The following CAV3 variants were observed in gnomAD, a reference collection of about 807,000 sequenced individuals.
The protein encoded by CAV3 is caveolin 3.
In CAV3, 10 loss-of-function variants were observed where a neutral mutation model predicts 13.4. That is an observed-to-expected ratio of 0.75 (90% CI 0.46 to 1.27). CAV3 has a LOEUF of 1.27. Among genes scored for constraint, CAV3 ranks in the 50% most tolerant of loss-of-function variants. The pLI, the probability that CAV3 is intolerant of heterozygous loss-of-function variation, is 0.00. For synonymous variants in CAV3, 90 were observed against 79.0 expected, an observed-to-expected ratio of 1.14 and a Z score of -0.74; for missense variants, 162 against 194.0, an observed-to-expected ratio of 0.83 and a Z score of 0.98.
chr3:8,741,284 C>G (rs1707950329), intron 1 of CAV3, among the ~76,000 whole-genome samples: 1 of 152,206 alleles, frequency 6.6e-6, no homozygotes, highest in South Asian at 2.1e-4. Flanking sequence ...TTACAAGCAC[C>G]AATGTTTATT....
chr3:8,738,772 A>G (rs115598571), intron 1 of CAV3, among the ~76,000 whole-genome samples: 4,876 of 152,318 alleles, frequency 0.032, 111 homozygotes, highest in South Asian at 0.056. Context: ...TGTCATTACC[A>G]CTGCCCCTTC....
chr3:8,744,525 A>G (rs1216969554), intron 1 of CAV3, among the ~76,000 whole-genome samples: 2 of 136,318 alleles, frequency 1.5e-5, no homozygotes, highest in East Asian at 2.2e-4. Context: ...ACAGCCTCCC[A>G]TCCTTTCATC....
At chr3:8,736,835 C>A (rs564284379) in intron 1 of CAV3, among the ~76,000 whole-genome samples, 23 of 152,296 alleles carry the variant, frequency 1.5e-4, no homozygotes, top group Non-Finnish European at 2.9e-5. Flanking sequence ...ACATTCTCTG[C>A]TTTAGGGATT....
chr3:8,739,494 C>T (rs2124981974), intron 1 of CAV3, among the ~76,000 whole-genome samples: 1 of 151,540 alleles, frequency 6.6e-6, no homozygotes, highest in African/African-American at 2.4e-5. Flanking sequence ...GTGGTGGGTG[C>T]CTGTAATCCC....
chr3:8,734,346 C>A (rs1405910499), intron 1 of CAV3, among the ~76,000 whole-genome samples: 2 of 152,178 alleles, frequency 1.3e-5, no homozygotes, highest in Non-Finnish European at 2.9e-5. Flanking sequence ...CCAAGTTGGG[C>A]TCCTTTCTGT....
At chr3:8,734,467 G>A (rs953243297) in intron 1 of CAV3, among the ~76,000 whole-genome samples, 1 of 152,194 alleles carries the variant, frequency 6.6e-6, no homozygotes, top group Non-Finnish European at 1.5e-5. Context: ...CCAGAGCACT[G>A]CCCAATATCT....
chr3:8,734,141 C>T (rs1191620580), intron 1 of CAV3, 151 bp downstream of exon 1: 1 of 651,894 alleles, frequency 1.5e-6, no homozygotes, highest in East Asian at 2.8e-5. Flanking sequence ...CAACCCCACC[C>T]CACCCCCAAA....
At chr3:8,742,300 C>T (rs1707992529) in intron 1 of CAV3, among the ~76,000 whole-genome samples, 1 of 150,354 alleles carries the variant, frequency 6.7e-6, no homozygotes, top group Admixed American at 6.6e-5. Context: ...CCACACACAG[C>T]ACCCAAAGGC....
chr3:8,735,975 C>A (rs371230947), intron 1 of CAV3, among the ~76,000 whole-genome samples: 1 of 152,128 alleles, frequency 6.6e-6, no homozygotes, highest in Non-Finnish European at 1.5e-5. Context: ...TTCTATACAT[C>A]GTTAGTGATG....
Position 8,743,029 on chromosome 3 carries a change from G to A in CAV3, c.115-2497G>A, listed in dbSNP as rs533221807. Among the ~76,000 whole-genome samples, 10 of 152,248 alleles carry A rather than the reference G, an allele frequency of 6.6e-5. No homozygotes were observed. In the East Asian group the frequency reaches 1.4e-3, roughly 21 times the overall value. ...AGGGGGAGCTGGCATATCACATGGC[G>A]AGAGAGGGAGCAAGAGAGCTGCCGG... On this transcript the variant is annotated intron_variant, in intron 1 of 1. Coordinates refer to ENST00000343849, the MANE Select transcript of CAV3 (RefSeq NM_033337.3).
chr3:8,736,240 G>T (rs192376348), intron 1 of CAV3, among the ~76,000 whole-genome samples: 42 of 152,250 alleles, frequency 2.8e-4, no homozygotes, highest in African/African-American at 1.0e-3. Context: ...CTGAGACTCA[G>T]TTTCCCCTGT....
chr3:8,733,892 C>G lies in CAV3; in HGVS notation c.16C>G (p.His6Asp). 1 of 1,609,854 alleles carries G rather than the reference C, an allele frequency of 6.2e-7. No individual in the cohort carries two copies. Among genetic ancestry groups the G allele is most frequent in the Middle Eastern group, 1.7e-4 (1 of 6,060 alleles). ...CAGCTCTGCGATGATGGCAGAAGAGCACACAGATCTCGAGGCCCAGATCGT... is the reference window on the plus strand; with the variant it reads ...CAGCTCTGCGATGATGGCAGAAGAGGACACAGATCTCGAGGCCCAGATCGT... MMAEE[H>D]TDLEAQIVKD... The change falls in exon 1 of 2, where the codon CAC (histidine) becomes GAC (aspartate). Residue 6 changes from histidine to aspartate, a missense_variant. Coordinates refer to ENST00000343849, the MANE Select transcript of CAV3 (RefSeq NM_033337.3).
At chr3:8,741,765 G>A (rs1031910528) in intron 1 of CAV3, among the ~76,000 whole-genome samples, 8 of 152,036 alleles carry the variant, frequency 5.3e-5, no homozygotes, top group East Asian at 1.9e-4. Context: ...TTTCGACCCC[G>A]GGTGACTGTT....
intron 1 of CAV3, among the ~76,000 whole-genome samples, chr3:8,736,887 T>C (rs1053375873): frequency 2.0e-5 from 3 of 152,072 alleles, no homozygotes; most frequent in African/African-American, 4.8e-5. Context: ...GAGTGAGAAA[T>C]GAAAAAAGTT....
chr3:8,734,148 C>CA (rs766559347), intron 1 of CAV3, among the ~76,000 whole-genome samples, 158 bp downstream of exon 1: 3 of 151,544 alleles, frequency 2.0e-5, no homozygotes, highest in Non-Finnish European at 2.9e-5. Flanking sequence ...ACCCCACCCC[C>CA]AAAAAAAGGC....
chr3:8,745,544 A>G lies in CAV3; in HGVS notation c.133A>G (p.Ile45Val), dbSNP rs1708128320. 6.2e-7 allele frequency: 1 copy of G among 1,614,128 alleles called. No homozygotes were observed. Among genetic ancestry groups the G allele is most frequent in the Non-Finnish European group, 8.5e-7 (1 of 1,180,004 alleles). The change falls in exon 2 of 2, where the codon ATC (isoleucine) becomes GTC (valine). Residue 45 changes from isoleucine to valine, a missense_variant. By Grantham distance (29) the Ile-to-Val change is conservative. Coordinates refer to ENST00000343849, the MANE Select transcript of CAV3 (RefSeq NM_033337.3). The surrounding 1 kb of genome is among the most constrained non-coding windows in gnomAD (Gnocchi z 4.8). ...DIVKVDFEDV[I>V]AEPVGTYSFD... ...CCTGCAGGTGGATTTTGAAGACGTG[A>G]TCGCAGAGCCTGTGGGCACCTACAG... is the stretch of plus-strand genomic sequence containing the variant.
intron 1 of CAV3, chr3:8,742,378 G>C: frequency 3.5e-6 from 1 of 287,234 alleles, no homozygotes; most frequent in Non-Finnish European, 6.8e-6. Context: ...AAAAAAAGAA[G>C]AAGAAGAAGA....
At chr3:8,735,159 A>G (rs1283625479) in intron 1 of CAV3, among the ~76,000 whole-genome samples, 3 of 152,240 alleles carry the variant, frequency 2.0e-5, no homozygotes, top group Admixed American at 6.5e-5. Flanking sequence ...GTGCTGTCCA[A>G]TAGGGATACT....
In CAV3 at chr3:8,746,563, C is replaced by T. The variant is rs1041257027; in HGVS notation, c.*696C>T. 1 of 152,082 alleles carries T rather than the reference C, an allele frequency of 6.6e-6. No homozygotes were observed. The highest frequency in any genetic ancestry group is 6.5e-5 in the Admixed American group (1 of 15,278). 9.4% of individuals were successfully genotyped at this position (152,082 alleles called of 1,614,324 possible). A position where few individuals can be genotyped will look rare whatever the true frequency, so the allele number is the denominator to read the frequency against. ...CCCTTGGGCTGGCAGGGGCAGTGACCCTTCCAGGGTACCACTGAGGGAAGG... is the reference window on the plus strand; with the variant it reads ...CCCTTGGGCTGGCAGGGGCAGTGACTCTTCCAGGGTACCACTGAGGGAAGG... On this transcript the variant is annotated 3_prime_UTR_variant, in exon 2 of 2. Coordinates refer to ENST00000343849, the MANE Select transcript of CAV3 (RefSeq NM_033337.3).
Sources: gnomAD v4.1 joint callset for allele counts (sites outside exome capture counted in the v4.1 genomes callset) on GRCh38, gnomAD v4.1.1 for gene constraint, Gnocchi (gnomAD v3.1) non-coding constraint, MANE v1.5 for transcripts, NCBI Gene and HGNC (gene_info 2026-07-23, HGNC 2026-07-21) for gene names.